Variants in FRMD3 observed in about 807,000 individuals in gnomAD.
FRMD3 encodes the protein FERM domain containing 3, also known as FERM domain-containing protein 3.
In FRMD3, 33 loss-of-function variants were observed where a neutral mutation model predicts 70.2. The observed-to-expected ratio is 0.47, with a 90% CI of 0.36 to 0.63. The LOEUF (loss-of-function observed/expected upper bound fraction) is 0.63. FRMD3 is among the 20% of genes least tolerant of loss of function. The pLI is 0.00. For synonymous variants in FRMD3, 279 were observed against 255.9 expected (o/e 1.09, Z -0.86); for missense variants, 632 against 711.4 (o/e 0.89, Z 1.27).
intron 12 of FRMD3, among the ~76,000 whole-genome samples, chr9:83,295,812 G>A (rs922707781): frequency 2.0e-5 from 3 of 152,202 alleles, no homozygotes; most frequent in African/African-American, 7.2e-5. Flanking sequence ...TCTGGAACAG[G>A]CAGATGATTG....
the FRMD3 span, among the ~76,000 whole-genome samples, chr9:83,574,938 T>C: frequency 6.6e-6 from 1 of 152,162 alleles, no homozygotes; most frequent in Non-Finnish European, 1.5e-5. Flanking sequence ...CCAGTCTCAG[T>C]TCACTGGGTA....
rs551186125 is a variant in FRMD3 at position 83,339,368 on chromosome 9, C to T, written c.473-3729G>A. ...AGTTGGGTAAGCCGCCATGGTTCTCCCTCCTGCTCATGACTTGGAAGTTGA... is the reference window on the plus strand; with the variant it reads ...AGTTGGGTAAGCCGCCATGGTTCTCTCTCCTGCTCATGACTTGGAAGTTGA... On this transcript the variant is annotated intron_variant, in intron 5 of 13. Coordinates refer to ENST00000304195, the MANE Select transcript of FRMD3 (RefSeq NM_174938.6). Among the ~76,000 whole-genome samples, 157 of 152,248 alleles carry T rather than the reference C, an allele frequency of 1.0e-3. 1 individual carries two copies. The highest frequency in any genetic ancestry group is 3.6e-3 in the African/African-American group (150 of 41,538).
chr9:83,328,479 C>G (rs1470451474), intron 6 of FRMD3, among the ~76,000 whole-genome samples: 1 of 152,164 alleles, frequency 6.6e-6, no homozygotes, highest in Non-Finnish European at 1.5e-5. Context: ...TCCAAGGATC[C>G]CTTAAGCATA....
At position 83,538,022 on chromosome 9, in the gene FRMD3, C is replaced by G. The variant is rs1032629344; in HGVS notation, c.147+63G>C. 1 of 1,578,910 alleles carries G rather than the reference C, an allele frequency of 6.3e-7. No individual in the cohort carries two copies. Among genetic ancestry groups the G allele is most frequent in the African/African-American group, 1.3e-5 (1 of 74,244 alleles). ...GGGTTCCTTGTTCTCGCATGCCCACCGCAAAGGCCCCCCGCCCTGCTCCCG... is the reference window on the plus strand; with the variant it reads ...GGGTTCCTTGTTCTCGCATGCCCACGGCAAAGGCCCCCCGCCCTGCTCCCG... On this transcript the variant is annotated intron_variant, in intron 1 of 13. Transcript: ENST00000304195. This position sits in a 1 kb window ranked among gnomAD's most constrained non-coding sequence, Gnocchi z 4.7.
intron 1 of FRMD3, among the ~76,000 whole-genome samples, chr9:83,464,137 C>CA (rs1471736316): frequency 2.0e-5 from 3 of 152,208 alleles, no homozygotes; most frequent in Admixed American, 6.5e-5. Flanking sequence ...GAGCAGCCAC[C>CA]ACTCTTTGAA....
rs192684621 is a variant in FRMD3, at chr9:83,429,103, G to T, written c.148-39395C>A. Among the ~76,000 whole-genome samples the T allele has an allele frequency of 7.2e-5, 11 of 152,286 alleles. 1 individual carries two copies. In the South Asian group the frequency reaches 1.2e-3, roughly 17 times the overall value. On this transcript the variant is annotated intron_variant, in intron 1 of 13. Transcript: ENST00000304195. Reference sequence around the variant, plus strand: ...TGTGCTGAGGTTCTATAATTCATGAGAATTAACGTGACTGATCCATAGAAG... The same window carrying T: ...TGTGCTGAGGTTCTATAATTCATGATAATTAACGTGACTGATCCATAGAAG...
At chr9:83,271,118 G>A (rs1833534484) in intron 13 of FRMD3, among the ~76,000 whole-genome samples, 1 of 152,104 alleles carries the variant, frequency 6.6e-6, no homozygotes, top group Non-Finnish European at 1.5e-5. Context: ...ACATGGAATA[G>A]GCATTTAATA....
chr9:83,430,027 C>A (rs908062912), intron 1 of FRMD3, among the ~76,000 whole-genome samples: 6 of 152,332 alleles, frequency 3.9e-5, no homozygotes, highest in Admixed American at 3.9e-4. Flanking sequence ...TCATCATGAA[C>A]TCCTTTGTTC....
chr9:83,441,132 C>T (rs557429625), intron 1 of FRMD3, among the ~76,000 whole-genome samples: 9 of 152,206 alleles, frequency 5.9e-5, no homozygotes, highest in Middle Eastern at 3.4e-3. Context: ...CATTACAGCC[C>T]GAACAAGAAA....
chr9:83,352,389 T>G (rs2131192607), intron 3 of FRMD3, among the ~76,000 whole-genome samples: 1 of 152,308 alleles, frequency 6.6e-6, no homozygotes. Context: ...CTTCTTAGTG[T>G]CGTAAGTTGG....
chr9:83,252,072 A>G (rs1832454216), intron 13 of FRMD3, among the ~76,000 whole-genome samples: 1 of 152,186 alleles, frequency 6.6e-6, no homozygotes, highest in Non-Finnish European at 1.5e-5. Context: ...ACATATAATC[A>G]TCAGATTCTC....
chr9:83,477,266 T>C (rs1192217662), intron 1 of FRMD3, among the ~76,000 whole-genome samples: 1 of 152,154 alleles, frequency 6.6e-6, no homozygotes, highest in Non-Finnish European at 1.5e-5. Context: ...TTCCCCTGAA[T>C]GAGTGGAGAG....
chr9:83,374,736 C>T (rs1488173594), intron 2 of FRMD3, among the ~76,000 whole-genome samples: 4 of 152,038 alleles, frequency 2.6e-5, no homozygotes, highest in African/African-American at 9.7e-5. Flanking sequence ...GATTGTTGGC[C>T]GATGCAGTTC....
At chr9:83,548,839 A>G in the FRMD3 span, among the ~76,000 whole-genome samples, 4 of 151,978 alleles carry the variant, frequency 2.6e-5, no homozygotes, top group African/African-American at 9.7e-5. Flanking sequence ...CTATCTGGAA[A>G]CTCTTTGTAC....
chr9:83,253,146 A>G (rs1207559359), intron 13 of FRMD3, among the ~76,000 whole-genome samples: 2 of 152,242 alleles, frequency 1.3e-5, no homozygotes, highest in Admixed American at 1.3e-4. Flanking sequence ...CAAGAAATGC[A>G]AAAGAACTGA....
At chr9:83,270,458 G>A (rs901485249) in intron 13 of FRMD3, among the ~76,000 whole-genome samples, 37 of 152,186 alleles carry the variant, frequency 2.4e-4, no homozygotes, top group African/African-American at 3.9e-4. Context: ...ACATCTGGGA[G>A]CCCTGGTGCC....
At chr9:83,490,962 T>C (rs1828810859) in intron 1 of FRMD3, among the ~76,000 whole-genome samples, 1 of 152,166 alleles carries the variant, frequency 6.6e-6, no homozygotes, top group African/African-American at 2.4e-5. Context: ...AGATGCTTCA[T>C]TTTTTAAACT....
Position 83,244,808 on chromosome 9 carries a change from T to A in FRMD3, c.*3110A>T. Reference sequence around the variant, plus strand: ...TTGTGAATTCACCCCGAGTTGTGTTTATAAATATTAGACAAACCACAAAAT... The same window carrying A: ...TTGTGAATTCACCCCGAGTTGTGTTAATAAATATTAGACAAACCACAAAAT... On this transcript the variant is annotated 3_prime_UTR_variant, in exon 14 of 14. Coordinates refer to ENST00000304195, the MANE Select transcript of FRMD3 (RefSeq NM_174938.6). 1.0e-6 allele frequency: 1 copy of A among 985,340 alleles called. No homozygotes were observed. Among genetic ancestry groups the A allele is most frequent in the Non-Finnish European group, 1.2e-6 (1 of 829,826 alleles). The allele number at this position is 985,340 out of a possible 1,614,324, so 61.0% of individuals were successfully genotyped here.
chr9:83,554,585 G>C, the FRMD3 span, among the ~76,000 whole-genome samples: 1 of 152,262 alleles, frequency 6.6e-6, no homozygotes, highest in Non-Finnish European at 1.5e-5. Context: ...ATGGGAGACA[G>C]ACTGGCCTCC....
Sources: gnomAD v4.1 joint callset for allele counts (sites outside exome capture counted in the v4.1 genomes callset) on GRCh38, gnomAD v4.1.1 for gene constraint, Gnocchi (gnomAD v3.1) non-coding constraint, MANE v1.5 for transcripts, NCBI Gene and HGNC (gene_info 2026-07-23, HGNC 2026-07-21) for gene names.